Variants in CDH12 observed in about 807,000 individuals in gnomAD.
The protein encoded by CDH12 is cadherin 12, also known as cadherin-12.
A neutral mutation model predicts 74.1 loss-of-function variants in CDH12; 41 were observed. The observed-to-expected ratio is 0.55, with a 90% CI of 0.43 to 0.72. The LOEUF is 0.72. Ranked by LOEUF, CDH12 falls within the 30% of genes least tolerant of loss-of-function variation. CDH12 has a pLI of 0.00. For missense variants in CDH12, 945 were observed against 977.2 expected (o/e 0.97, Z 0.44); for synonymous variants, 399 against 355.0 (o/e 1.12, Z -1.39).
intron 1 of CDH12, among the ~76,000 whole-genome samples, chr5:22,679,612 G>T (rs530899642): frequency 6.6e-6 from 1 of 151,982 alleles, no homozygotes; most frequent in Non-Finnish European, 1.5e-5. Context: ...CATATTACTT[G>T]GATAGTAGAA....
chr5:22,177,922 A>C (rs772343400), intron 4 of CDH12, among the ~76,000 whole-genome samples: 69 of 152,334 alleles, frequency 4.5e-4, no homozygotes, highest in Admixed American at 2.5e-3. Flanking sequence ...CTTAATTCCA[A>C]TCATAAAATA....
intron 4 of CDH12, among the ~76,000 whole-genome samples, chr5:22,118,889 T>A (rs541563758): frequency 1.4e-3 from 211 of 151,964 alleles, no homozygotes; most frequent in African/African-American, 4.8e-3. Context: ...ATAGTTGGGG[T>A]GGGGGATAGT....
chr5:21,799,099 T>A (rs977944690), intron 10 of CDH12, among the ~76,000 whole-genome samples: 1 of 152,108 alleles, frequency 6.6e-6, no homozygotes, highest in African/African-American at 2.4e-5. Context: ...GGTAGATATA[T>A]GGACAGTAAA....
chr5:22,574,413 A>G (rs1039642986), intron 1 of CDH12, among the ~76,000 whole-genome samples: 3 of 151,948 alleles, frequency 2.0e-5, no homozygotes, highest in Non-Finnish European at 4.4e-5. Flanking sequence ...ACATGCCTTC[A>G]CGTACCATAA....
intron 1 of CDH12, among the ~76,000 whole-genome samples, chr5:22,712,962 G>A (rs889932806): frequency 6.6e-6 from 1 of 151,792 alleles, no homozygotes. Context: ...AATATAATCA[G>A]CAATCCACTT....
intron 5 of CDH12, among the ~76,000 whole-genome samples, chr5:22,064,779 T>G (rs969778316): frequency 6.6e-6 from 1 of 152,288 alleles, no homozygotes; most frequent in Admixed American, 6.5e-5. Context: ...CCAGCTCAAG[T>G]ACCACGTAAG....
chr5:22,562,992 A>G (rs1160622348), intron 1 of CDH12, among the ~76,000 whole-genome samples: 1 of 147,588 alleles, frequency 6.8e-6, no homozygotes, highest in East Asian at 1.9e-4. Flanking sequence ...AAATTTGAAT[A>G]TTTATATATG....
chr5:21,836,470 C>CACACACAT (rs1270924695), intron 8 of CDH12, among the ~76,000 whole-genome samples: 1 of 148,814 alleles, frequency 6.7e-6, no homozygotes, highest in African/African-American at 2.5e-5. Flanking sequence ...AAAACACACA[C>CACACACAT]ACACACACAC....
At position 22,758,017 on chromosome 5, in the gene CDH12, T is replaced by C. The variant is rs181248191; in HGVS notation, c.-523+95041A>G. On this transcript the variant is annotated intron_variant, in intron 1 of 14. Coordinates refer to ENST00000382254, the MANE Select transcript of CDH12 (RefSeq NM_004061.5). Reference sequence around the variant, plus strand: ...GGAATCAATTTTAATTAATTCTGCCTCTTTAAATCTGTCTGCTCTTTAGGA... The same window carrying C: ...GGAATCAATTTTAATTAATTCTGCCCCTTTAAATCTGTCTGCTCTTTAGGA... 5.9e-5 allele frequency among the ~76,000 whole-genome samples: 9 copies of C among 152,288 alleles called. No individual in the cohort carries two copies. In the East Asian group the frequency reaches 1.7e-3, roughly 29 times the overall value.
intron 4 of CDH12, among the ~76,000 whole-genome samples, chr5:22,125,097 C>T (rs1423093556): frequency 6.6e-6 from 1 of 151,694 alleles, no homozygotes; most frequent in Non-Finnish European, 1.5e-5. Context: ...TTGATACAAC[C>T]ATTTTTTTTT....
At chr5:22,808,860 G>C (rs564077819) in intron 1 of CDH12, among the ~76,000 whole-genome samples, 2 of 143,940 alleles carry the variant, frequency 1.4e-5, no homozygotes, top group Non-Finnish European at 3.0e-5. Flanking sequence ...GCCTGCCTCA[G>C]CCTCCTGAAG....
At chr5:22,293,090 A>G (rs1341384943) in intron 3 of CDH12, among the ~76,000 whole-genome samples, 2 of 151,952 alleles carry the variant, frequency 1.3e-5, no homozygotes, top group African/African-American at 4.8e-5. Context: ...CAATCTCTAA[A>G]AACCCACGTC....
At position 22,632,546 on chromosome 5, in the gene CDH12, A is replaced by T. The variant is rs545036249; in HGVS notation, c.-522-127182T>A. 1.2e-4 allele frequency among the ~76,000 whole-genome samples: 18 copies of T among 152,304 alleles called. No individual in the cohort carries two copies. In the East Asian group the frequency reaches 3.5e-3, roughly 29 times the overall value. On this transcript the variant is annotated intron_variant, in intron 1 of 14. Coordinates refer to ENST00000382254, the MANE Select transcript of CDH12 (RefSeq NM_004061.5). ...ATAATTACATTAAAATTCACTGAAG[A>T]TGTTCAAAAGTTATTTGGAGCTGGC...
At chr5:21,885,946 C>T (rs995251489) in intron 6 of CDH12, among the ~76,000 whole-genome samples, 1 of 152,082 alleles carries the variant, frequency 6.6e-6, no homozygotes, top group Non-Finnish European at 1.5e-5. Flanking sequence ...AAAAGAAGAC[C>T]CCAGCATATC....
At chr5:21,820,818 A>G (rs185860274) in intron 8 of CDH12, among the ~76,000 whole-genome samples, 1 of 151,980 alleles carries the variant, frequency 6.6e-6, no homozygotes, top group Non-Finnish European at 1.5e-5. Context: ...TTCATGATGT[A>G]CTGTGTAATT....
At chr5:22,147,232 C>A (rs1025849014) in intron 4 of CDH12, among the ~76,000 whole-genome samples, 2 of 152,142 alleles carry the variant, frequency 1.3e-5, no homozygotes, top group Non-Finnish European at 2.9e-5. Context: ...ATTTGATCAA[C>A]AATGGCCATT....
At chr5:22,093,068 G>C (rs901039350) in intron 4 of CDH12, among the ~76,000 whole-genome samples, 1 of 152,032 alleles carries the variant, frequency 6.6e-6, no homozygotes, top group African/African-American at 2.4e-5. Flanking sequence ...GAGGACAGGG[G>C]GTTCAGAGAG....
chr5:22,698,241 C>T (rs1742488375), intron 1 of CDH12, among the ~76,000 whole-genome samples: 1 of 149,910 alleles, frequency 6.7e-6, no homozygotes, highest in African/African-American at 2.5e-5. Flanking sequence ...CCTGCCTCAG[C>T]CTCCCAAGTA....
intron 1 of CDH12, among the ~76,000 whole-genome samples, chr5:22,624,456 T>A (rs1233833123): frequency 2.6e-5 from 4 of 151,658 alleles, no homozygotes; most frequent in African/African-American, 9.7e-5. Flanking sequence ...TCAAACAAAT[T>A]TACAAGAAAA....
Sources: allele counts gnomAD v4.1 joint callset (sites outside exome capture counted in the v4.1 genomes callset), GRCh38; gene constraint gnomAD v4.1.1; transcripts MANE v1.5; gene names NCBI Gene and HGNC (gene_info 2026-07-23, HGNC 2026-07-21).